DYNC2H1: variants seen among roughly 807,000 people sequenced by gnomAD.
DYNC2H1 encodes cytoplasmic dynein 2 heavy chain 1.
DYNC2H1 carries 410 observed loss-of-function variants against 570.0 expected under a neutral mutation model. The ratio of observed to expected loss-of-function variants is 0.72; its 90% CI spans 0.66 to 0.78. DYNC2H1 has a LOEUF of 0.78. Among genes scored for constraint, DYNC2H1 ranks in the 30% least tolerant of loss-of-function variants. The pLI is 0.00. For missense variants in DYNC2H1, 4,865 were observed against 5,046.4 expected (o/e 0.96, Z 1.09); for synonymous variants, 1,688 against 1,677.6 (o/e 1.01, Z -0.15).
chr11:103,144,650 G>A (rs975005541), intron 18 of DYNC2H1, among the ~76,000 whole-genome samples: 12 of 152,108 alleles, frequency 7.9e-5, no homozygotes, highest in Non-Finnish European at 1.3e-4. Context: ...CTGGAAAGGT[G>A]TAGATAAGGT....
chr11:103,339,023 G>C (rs894728440), intron 82 of DYNC2H1, among the ~76,000 whole-genome samples: 1 of 152,152 alleles, frequency 6.6e-6, no homozygotes, highest in Non-Finnish European at 1.5e-5. Context: ...AGCTACTACA[G>C]CCATTTTAGC....
At position 103,204,885 on chromosome 11, in the gene DYNC2H1, A is replaced by G. The variant is rs536873734; in HGVS notation, c.8375A>G (p.Asn2792Ser). Residue 2792 changes from asparagine to serine, a missense_variant, in exon 52 of 89, where the codon AAC (asparagine) becomes AGC (serine). Asn to Ser is a conservative substitution (Grantham distance 46, BLOSUM62 1). This residue lies in a region of DYNC2H1 where 2,401 missense variants were observed against 2,454.6 expected (regional missense o/e 0.98). Transcript: ENST00000375735. The surrounding 1 kb of genome is among the most constrained non-coding windows in gnomAD (Gnocchi z 4.1). ...TCTGCAAATTCAAACTTCATGATAA[A>G]CTGTGAGAGTAATCCAGCTTTGCAT... is the stretch of plus-strand genomic sequence containing the variant. Reference protein sequence around the residue: ...MDSANSNFMINCESNPALHKK... With the variant: ...MDSANSNFMISCESNPALHKK... 49 of 1,592,766 alleles carry G rather than the reference A, an allele frequency of 3.1e-5. No individual in the cohort carries two copies. The highest frequency in any genetic ancestry group is 4.1e-5 in the Non-Finnish European group (48 of 1,168,432).
intron 83 of DYNC2H1, among the ~76,000 whole-genome samples, chr11:103,394,452 G>T (rs1011233529): frequency 6.6e-6 from 1 of 152,020 alleles, no homozygotes; most frequent in Non-Finnish European, 1.5e-5. Context: ...AGAATTATGT[G>T]TGCAGTTTAT....
At position 103,439,292 on chromosome 11, in the gene DYNC2H1, A is replaced by T. The variant is rs754057759; in HGVS notation, c.12456+3260A>T. Among the ~76,000 whole-genome samples the T allele has an allele frequency of 2.6e-5, 4 of 152,138 alleles. No individual in the cohort carries two copies. Among genetic ancestry groups the T allele is most frequent in the Non-Finnish European group, 4.4e-5 (3 of 68,022 alleles). Reference sequence around the variant, plus strand: ...GAATGTATCAGACAGAAGGCAGACCAGAGTCTGATATCAAGAGTAAGTATT... The same window carrying T: ...GAATGTATCAGACAGAAGGCAGACCTGAGTCTGATATCAAGAGTAAGTATT... On this transcript the variant is annotated intron_variant, in intron 85 of 88. Transcript: ENST00000375735. This position sits in a 1 kb window ranked among gnomAD's most constrained non-coding sequence, Gnocchi z 4.1.
At chr11:103,266,131 G>T (rs1865495475) in intron 70 of DYNC2H1, among the ~76,000 whole-genome samples, 1 of 152,160 alleles carries the variant, frequency 6.6e-6, no homozygotes, top group Non-Finnish European at 1.5e-5. Context: ...ACTGCGATAG[G>T]TGGTGTTACC....
At chr11:103,414,044 G>A (rs1426909884) in intron 84 of DYNC2H1, among the ~76,000 whole-genome samples, 1 of 128,864 alleles carries the variant, frequency 7.8e-6, no homozygotes, top group Non-Finnish European at 1.6e-5. Flanking sequence ...ACTGTGGTAA[G>A]TTAAAGATGT....
At chr11:103,176,508 T>A in intron 37 of DYNC2H1, 74 bp downstream of exon 37, 1 of 1,177,498 alleles carries the variant, frequency 8.5e-7, no homozygotes, top group Non-Finnish European at 1.1e-6. Flanking sequence ...TCCTTGTCCT[T>A]CATCTTTCAA....
chr11:103,226,969 T>C (rs1863825493), intron 59 of DYNC2H1, among the ~76,000 whole-genome samples: 1 of 152,212 alleles, frequency 6.6e-6, no homozygotes, highest in Non-Finnish European at 1.5e-5. Context: ...TTCTAGTTTA[T>C]GTGCATAAAG....
intron 88 of DYNC2H1, among the ~76,000 whole-genome samples, chr11:103,478,410 T>C (rs1180810593): frequency 6.6e-6 from 1 of 152,036 alleles, no homozygotes; most frequent in East Asian, 1.9e-4. Context: ...TGGCCTCTAA[T>C]AGCCAAAAAA....
chr11:103,186,292 T>C lies in DYNC2H1; in HGVS notation c.6684T>C (p.Asp2228=). ...ESPPDFHKPM[D]TYYDSTRGRL... is the part of the protein sequence containing the mutation. The stretch of plus-strand genomic sequence containing the variant: ...CTCCAGACTTTCACAAACCTATGGA[T>C]ACCTACTATGACTCTACTAGGGGTC... Residue 2228 remains aspartate, a synonymous_variant, in exon 42 of 89, where the codon GAT becomes GAC. Transcript: ENST00000375735. The surrounding 1 kb of genome is among the most constrained non-coding windows in gnomAD (Gnocchi z 4.5). The C allele has an allele frequency of 1.9e-6, 3 of 1,612,398 alleles. No homozygotes were observed. The highest frequency in any genetic ancestry group is 2.5e-6 in the Non-Finnish European group (3 of 1,179,010).
Position 103,321,173 on chromosome 11 carries a change from A to G in DYNC2H1, c.11870A>G (p.Asn3957Ser), listed in dbSNP as rs770785397. ...FFNSSVIDVF[N>S]QRNKKSIFPY... The stretch of plus-strand genomic sequence containing the variant: ...AATTCTTCAGTTATTGATGTATTCA[A>G]CCAAAGGAACAAGAAAAGCATTTTT... The change falls in exon 81 of 89, where the codon AAC (asparagine) becomes AGC (serine). Residue 3957 changes from asparagine to serine, a missense_variant. Asn to Ser is a conservative substitution (Grantham distance 46). Transcript: ENST00000375735. 6.2e-6 allele frequency: 10 copies of G among 1,612,100 alleles called. No homozygotes were observed. Among genetic ancestry groups the G allele is most frequent in the Admixed American group, 1.7e-5 (1 of 59,818 alleles).
intron 83 of DYNC2H1, among the ~76,000 whole-genome samples, chr11:103,374,201 G>A (rs1468510845): frequency 3.3e-5 from 5 of 152,030 alleles, no homozygotes; most frequent in East Asian, 1.9e-4. Flanking sequence ...CCCCATAATC[G>A]CCGTGTGTCA....
chr11:103,158,435 C>T (rs545925656), intron 26 of DYNC2H1, among the ~76,000 whole-genome samples: 44 of 151,856 alleles, frequency 2.9e-4, no homozygotes, highest in African/African-American at 6.8e-4. Flanking sequence ...GGAGACAGAG[C>T]GAGACTCCAT....
chr11:103,339,274 C>T (rs1939318363), intron 82 of DYNC2H1, among the ~76,000 whole-genome samples: 1 of 152,064 alleles, frequency 6.6e-6, no homozygotes, highest in South Asian at 2.1e-4. Flanking sequence ...ACCATGAAAG[C>T]CTGAGGCCTT....
intron 70 of DYNC2H1, among the ~76,000 whole-genome samples, chr11:103,260,270 T>C (rs557588248): frequency 6.6e-6 from 1 of 152,208 alleles, no homozygotes; most frequent in Non-Finnish European, 1.5e-5. Context: ...ATTATATAGC[T>C]AGACTTTCTC....
chr11:103,180,691 T>C (rs1861815164), intron 39 of DYNC2H1, among the ~76,000 whole-genome samples: 1 of 151,682 alleles, frequency 6.6e-6, no homozygotes, highest in African/African-American at 2.4e-5. Context: ...TATTAATGAT[T>C]CTGGGACAAC....
Position 103,154,595 on chromosome 11 carries a change from G to T in DYNC2H1, c.3447G>T (p.Trp1149Cys). Reference sequence around the variant, plus strand: ...TTCAGGAAATGGCCAATGAAGACTGGATCACTTTTCGGTTTGATTCAAAAA... The same window carrying T: ...TTCAGGAAATGGCCAATGAAGACTGTATCACTTTTCGGTTTGATTCAAAAA... ...QGFQEMANED[W>C]ITFRTKTYLF... Residue 1149 changes from tryptophan to cysteine, a missense_variant, in exon 23 of 89, where the codon TGG becomes TGT. This residue lies in a region of DYNC2H1 where 1,936 missense variants were observed against 1,962.1 expected (regional missense o/e 0.99). Coordinates refer to ENST00000375735, the MANE Select transcript of DYNC2H1 (RefSeq NM_001377.3). 6.3e-7 allele frequency: 1 copy of T among 1,595,998 alleles called. No homozygotes were observed. The highest frequency in any genetic ancestry group is 2.2e-5 in the East Asian group (1 of 44,450).
At chr11:103,154,122 T>C (rs1265233345) in intron 22 of DYNC2H1, among the ~76,000 whole-genome samples, 2 of 151,802 alleles carry the variant, frequency 1.3e-5, no homozygotes, top group African/African-American at 4.8e-5. Context: ...ATTTATACAA[T>C]CTTGAATATT....
chr11:103,413,383 A>C (rs1943162814), intron 84 of DYNC2H1, among the ~76,000 whole-genome samples: 1 of 150,108 alleles, frequency 6.7e-6, no homozygotes, highest in Non-Finnish European at 1.5e-5. Context: ...TTTAAAACAT[A>C]ATATTTATGT....
Sources: gnomAD v4.1 joint callset for allele counts (sites outside exome capture counted in the v4.1 genomes callset) on GRCh38, gnomAD v4.1.1 for gene constraint, gnomAD v4.1.1 regional missense constraint, Gnocchi (gnomAD v3.1) non-coding constraint, MANE v1.5 for transcripts, NCBI Gene and HGNC (gene_info 2026-07-23, HGNC 2026-07-21) for gene names.